UMAD1: variants seen among roughly 807,000 people sequenced by gnomAD.
UMAD1 encodes UBAP1-MVB12-associated (UMA) domain containing 1.
UMAD1 carries 8 observed loss-of-function variants against 6.1 expected under a neutral mutation model. The observed-to-expected ratio is 1.30, with a 90% CI of 0.76 to 2.35. The LOEUF is 2.35. UMAD1 is among the 30% of genes most tolerant of loss of function. The probability of loss-of-function intolerance (pLI) is 0.00; values close to 1 mark genes in which losing one functional copy is unlikely to be tolerated. For missense variants in UMAD1, 130 were observed against 78.4 expected, an observed-to-expected ratio of 1.66 and a Z score of -2.49; for synonymous variants, 56 against 31.4, an observed-to-expected ratio of 1.78 and a Z score of -2.61.
At chr7:7,756,701 C>T (rs1019184736) in intron 2 of UMAD1, among the ~76,000 whole-genome samples, 1 of 152,110 alleles carries the variant, frequency 6.6e-6, no homozygotes, top group South Asian at 2.1e-4. Context: ...ATCTGTTTCC[C>T]GTTTGGTTAG....
intron 2 of UMAD1, among the ~76,000 whole-genome samples, chr7:7,771,087 T>A (rs965089036): frequency 6.6e-6 from 1 of 150,756 alleles, no homozygotes; most frequent in African/African-American, 2.4e-5. Context: ...AGAGGGCAAA[T>A]ATGAGGTAAA....
chr7:7,672,004 A>C (rs1052188521), intron 1 of UMAD1, among the ~76,000 whole-genome samples: 10 of 152,188 alleles, frequency 6.6e-5, no homozygotes, highest in South Asian at 6.2e-4. Flanking sequence ...CCATTCACTT[A>C]TGTTGGGGTT....
chr7:7,647,280 A>C (rs1235489129), intron 1 of UMAD1, among the ~76,000 whole-genome samples: 3 of 152,122 alleles, frequency 2.0e-5, no homozygotes, highest in Admixed American at 6.5e-5. Context: ...TATAGGTTTT[A>C]TTAAAGTTAT....
chr7:7,710,358 TA>T (rs1780723982), intron 2 of UMAD1, among the ~76,000 whole-genome samples: 1 of 151,538 alleles, frequency 6.6e-6, no homozygotes. Context: ...AACTCAGCAG[TA>T]AAAAACAAAA....
At chr7:7,849,320 C>G (rs1388433402) in intron 3 of UMAD1, among the ~76,000 whole-genome samples, 1 of 152,120 alleles carries the variant, frequency 6.6e-6, no homozygotes, top group Admixed American at 6.6e-5. Flanking sequence ...GACTGAGGTA[C>G]AGAAACATAA....
At chr7:7,724,327 T>C (rs1047338153) in intron 2 of UMAD1, among the ~76,000 whole-genome samples, 2 of 152,124 alleles carry the variant, frequency 1.3e-5, no homozygotes, top group Admixed American at 6.5e-5. Context: ...AAGTCTGACT[T>C]ACAGTGTGTC....
At chr7:7,728,039 T>A (rs1261317479) in intron 2 of UMAD1, among the ~76,000 whole-genome samples, 1 of 152,118 alleles carries the variant, frequency 6.6e-6, no homozygotes, top group Non-Finnish European at 1.5e-5. Flanking sequence ...CCAAACCTAT[T>A]TTCTTCTGTT....
At chr7:7,840,483 C>T (rs540678795) in intron 3 of UMAD1, among the ~76,000 whole-genome samples, 23 of 79,000 alleles carry the variant, frequency 2.9e-4, no homozygotes, top group Admixed American at 1.1e-3. Flanking sequence ...TTTAGGTTCA[C>T]GTAGCTACGT....
At chr7:7,784,690 A>G (rs73356203) in intron 2 of UMAD1, among the ~76,000 whole-genome samples, 3,458 of 151,610 alleles carry the variant, frequency 0.023, 123 homozygotes, top group African/African-American at 0.075. Context: ...AAAATAAACA[A>G]GACCAACCCA....
intron 1 of UMAD1, among the ~76,000 whole-genome samples, chr7:7,668,850 C>T (rs762654822): frequency 6.6e-6 from 1 of 152,110 alleles, no homozygotes; most frequent in Non-Finnish European, 1.5e-5. Flanking sequence ...CAGCTTAAGC[C>T]CTCAAGGCCT....
At chr7:7,828,586 G>A (rs1057096518) in intron 3 of UMAD1, among the ~76,000 whole-genome samples, 3 of 152,176 alleles carry the variant, frequency 2.0e-5, no homozygotes, top group East Asian at 3.9e-4. Context: ...GTGTACACAC[G>A]CATGCTAGTT....
intron 1 of UMAD1, among the ~76,000 whole-genome samples, chr7:7,649,158 C>CAAAAAAAAAAAAAAAAAAAA (rs34943326): frequency 2.3e-5 from 3 of 128,868 alleles, no homozygotes; most frequent in Non-Finnish European, 3.2e-5. Flanking sequence ...GACTCCATCT[C>CAAAAAAAAAAAAAAAAAAAA]AAAAAAAAAA....
intron 3 of UMAD1, among the ~76,000 whole-genome samples, chr7:7,870,963 T>G (rs1784321209): frequency 6.6e-6 from 1 of 152,222 alleles, no homozygotes; most frequent in Admixed American, 6.5e-5. Context: ...TATGAAAAAT[T>G]TTCAAGCTTA....
intron 2 of UMAD1, among the ~76,000 whole-genome samples, chr7:7,701,757 T>C (rs1205861867): frequency 6.6e-6 from 1 of 152,208 alleles, no homozygotes; most frequent in Admixed American, 6.5e-5. Context: ...TATTCAGGTT[T>C]CTGCAGCTGT....
At chr7:7,754,930 T>G (rs1248291206) in intron 2 of UMAD1, among the ~76,000 whole-genome samples, 7 of 152,234 alleles carry the variant, frequency 4.6e-5, no homozygotes. Flanking sequence ...ACAGATTTAT[T>G]TCATTTAGTT....
intron 2 of UMAD1, among the ~76,000 whole-genome samples, chr7:7,684,242 A>G (rs1779984809): frequency 6.6e-6 from 1 of 151,256 alleles, no homozygotes; most frequent in Non-Finnish European, 1.5e-5. Context: ...TCACTCCATC[A>G]CCCAGGCTGG....
At chr7:7,695,626 C>T (rs1483517166) in intron 2 of UMAD1, among the ~76,000 whole-genome samples, 1 of 152,142 alleles carries the variant, frequency 6.6e-6, no homozygotes. Context: ...AATTTCTACT[C>T]ACAGGATCTG....
intron 2 of UMAD1, among the ~76,000 whole-genome samples, chr7:7,713,052 T>C (rs902654748): frequency 6.6e-6 from 1 of 151,990 alleles, no homozygotes; most frequent in Non-Finnish European, 1.5e-5. Flanking sequence ...CAAAAAATAT[T>C]CTAGGGCCGC....
rs1296046379 is a variant in UMAD1, at chr7:7,763,722, C to CA, written c.83-37944dup. Among the ~76,000 whole-genome samples the CA allele has an allele frequency of 2.6e-5, 4 of 152,050 alleles. No homozygotes were observed. The East Asian group carries it at 7.7e-4, about 29-fold the overall frequency. On this transcript the variant is annotated intron_variant, in intron 2 of 3. Coordinates refer to ENST00000682710, the MANE Select transcript of UMAD1 (RefSeq NM_001302348.2). ...AGAAACCCCATCTCTACTAAAACTG[C>CA]AAAATTAGTTACAAAAATAGTAGAG... is the stretch of plus-strand genomic sequence containing the variant.
Sources: allele counts gnomAD v4.1 joint callset (sites outside exome capture counted in the v4.1 genomes callset), GRCh38; gene constraint gnomAD v4.1.1; transcripts MANE v1.5; gene names NCBI Gene and HGNC (gene_info 2026-07-23, HGNC 2026-07-21).